The following KIF2A variants were observed in gnomAD, a reference collection of about 807,000 sequenced individuals.
KIF2A encodes kinesin family member 2A, also known as kinesin-like protein KIF2A.
KIF2A carries 22 observed loss-of-function variants against 100.2 expected under a neutral mutation model. That is an observed-to-expected ratio of 0.22 (90% CI 0.16 to 0.31). KIF2A has a LOEUF of 0.31. KIF2A is among the 10% of genes least tolerant of loss of function. KIF2A has a pLI of 1.00. For synonymous variants in KIF2A, 268 were observed against 285.9 expected (o/e 0.94, Z 0.63); for missense variants, 495 against 898.7 (o/e 0.55, Z 5.74).
chr5:62,364,672 C>T (rs1350120932), intron 14 of KIF2A, among the ~76,000 whole-genome samples: 1 of 152,140 alleles, frequency 6.6e-6, no homozygotes, highest in East Asian at 1.9e-4. Context: ...TTACAGTTAT[C>T]CTACTGCCTG....
At chr5:62,351,756 A>G (rs1191798035) in intron 4 of KIF2A, among the ~76,000 whole-genome samples, 1 of 152,154 alleles carries the variant, frequency 6.6e-6, no homozygotes, top group Non-Finnish European at 1.5e-5. Flanking sequence ...TGCATATTTG[A>G]GGAGCAAAGA....
rs557818535 is a variant in KIF2A at position 62,347,030 on chromosome 5, A to ATTT, written c.65-92_65-90dup. ...ATCTCTTGTAAGGAAAAGTAGTGTC[A>ATTT]TTTTTTTTTTAATTTCCAAGTTATA... On this transcript the variant is annotated intron_variant, in intron 1 of 20. Transcript: ENST00000407818. 5 of 615,292 alleles carry ATTT rather than the reference A, an allele frequency of 8.1e-6. No homozygotes were observed. The South Asian group carries it at 8.5e-5, about 11-fold the overall frequency. The allele number at this position is 615,292 out of a possible 1,614,324, so 38.1% of individuals were successfully genotyped here.
At chr5:62,308,670 G>T (rs1745423514) in intron 1 of KIF2A, among the ~76,000 whole-genome samples, 1 of 152,166 alleles carries the variant, frequency 6.6e-6, no homozygotes, top group Non-Finnish European at 1.5e-5. Flanking sequence ...AGATAAGCCA[G>T]ACACCAAGGA....
In KIF2A at chr5:62,324,713, A is replaced by G. The variant is rs183431063; in HGVS notation, c.64+18177A>G. 1.4e-3 allele frequency among the ~76,000 whole-genome samples: 206 copies of G among 152,274 alleles called. 1 individual carries two copies. Among genetic ancestry groups the G allele is most frequent in the African/African-American group, 4.7e-3 (197 of 41,546 alleles). ...TCACCATAAACAAAAATTAACTCAAAATGGATTAAAGACTTAAATGTAAGA... is the reference window on the plus strand; with the variant it reads ...TCACCATAAACAAAAATTAACTCAAGATGGATTAAAGACTTAAATGTAAGA... On this transcript the variant is annotated intron_variant, in intron 1 of 20. Coordinates refer to ENST00000407818, the MANE Select transcript of KIF2A (RefSeq NM_001098511.3).
At position 62,386,790 on chromosome 5, in the gene KIF2A, T is replaced by A. The variant is rs1220965456; in HGVS notation, c.*1221T>A. ...TTGGTATGGTGTAGGGCATGCTACT[T>A]TTTAAACAGCAGCACTTATTTTTAC... is the stretch of plus-strand genomic sequence containing the variant. On this transcript the variant is annotated 3_prime_UTR_variant, in exon 21 of 21. Transcript: ENST00000407818. Among the ~76,000 whole-genome samples, 2 of 152,224 alleles carry A rather than the reference T, an allele frequency of 1.3e-5. No individual in the cohort carries two copies. The highest frequency in any genetic ancestry group is 2.9e-5 in the Non-Finnish European group (2 of 68,036).
Position 62,363,258 on chromosome 5 carries a change from G to A in KIF2A, c.1200G>A (p.Gln400=). Residue 400 remains glutamine, a synonymous_variant, in exon 13 of 21, where the codon CAG becomes CAA. Coordinates refer to ENST00000407818, the MANE Select transcript of KIF2A (RefSeq NM_001098511.3). ...GKQQVQVVGL[Q]EREVKCVEDV... ...AGCAGGTTCAAGTGGTGGGATTACAGGAACGGGAGGTCAAATGTGTTGAAG... is the reference window on the plus strand; with the variant it reads ...AGCAGGTTCAAGTGGTGGGATTACAAGAACGGGAGGTCAAATGTGTTGAAG... The A allele has an allele frequency of 6.2e-7, 1 of 1,613,524 alleles. No individual in the cohort carries two copies. Among genetic ancestry groups the A allele is most frequent in the South Asian group, 1.1e-5 (1 of 91,020 alleles).
At chr5:62,347,256 T>G in intron 2 of KIF2A, 32 bp downstream of exon 2, 2 of 1,128,518 alleles carry the variant, frequency 1.8e-6, no homozygotes, top group Non-Finnish European at 2.6e-6. Flanking sequence ...TTATTCCTAG[T>G]CCTGCAATCA....
At chr5:62,313,893 G>A (rs1745677025) in intron 1 of KIF2A, among the ~76,000 whole-genome samples, 1 of 152,012 alleles carries the variant, frequency 6.6e-6, no homozygotes, top group South Asian at 2.1e-4. Flanking sequence ...CTGGACTCAA[G>A]CAATCCTCTC....
rs12519766 is a variant in KIF2A, at chr5:62,366,602, C to T, written c.1646+121C>T. On this transcript the variant is annotated intron_variant, in intron 16 of 20. Coordinates refer to ENST00000407818, the MANE Select transcript of KIF2A (RefSeq NM_001098511.3). ...ATCCTAGCACTTTGGGAGGCCCAGG[C>T]GGGCGGATCACAAGGTCAGGAGATC... 68,452 of 574,094 alleles carry T rather than the reference C, an allele frequency of 0.12. 4,791 individuals carry two copies. Among genetic ancestry groups the T allele is most frequent in the East Asian group, 0.23 (6,862 of 30,410 alleles). The allele number at this position is 574,094 out of a possible 1,614,324, so 35.6% of individuals were successfully genotyped here.
chr5:62,362,348 C>A, intron 11 of KIF2A, 102 bp from the exon 12 acceptor site: 1 of 461,896 alleles, frequency 2.2e-6, no homozygotes, highest in Non-Finnish European at 3.8e-6. Context: ...ATACTGTTAT[C>A]CTAGGTAAAG....
intron 6 of KIF2A, among the ~76,000 whole-genome samples, chr5:62,353,710 T>TA (rs1747965012): frequency 6.6e-6 from 1 of 152,160 alleles, no homozygotes; most frequent in South Asian, 2.1e-4. Flanking sequence ...TTGGGAAAAA[T>TA]ACCCAGTTAA....
chr5:62,370,439 G>A (rs993956117), intron 16 of KIF2A, among the ~76,000 whole-genome samples: 6 of 151,916 alleles, frequency 3.9e-5, no homozygotes, highest in Non-Finnish European at 5.9e-5. Context: ...GATTACAGGC[G>A]CCCGTCACCA....
intron 1 of KIF2A, among the ~76,000 whole-genome samples, chr5:62,319,645 C>T (rs1746005860): frequency 6.6e-6 from 1 of 152,202 alleles, no homozygotes; most frequent in Admixed American, 6.5e-5. Context: ...TATAAATTAT[C>T]TGTTTGCTGA....
At chr5:62,363,024 C>T (rs902810205) in intron 12 of KIF2A, among the ~76,000 whole-genome samples, 154 bp from the exon 13 acceptor site, 10 of 152,290 alleles carry the variant, frequency 6.6e-5, no homozygotes, top group Middle Eastern at 3.4e-3. Flanking sequence ...GACAAGGTCT[C>T]ACTATGTTGC....
At chr5:62,307,699 C>T (rs1348660909) in intron 1 of KIF2A, among the ~76,000 whole-genome samples, 2 of 151,350 alleles carry the variant, frequency 1.3e-5, no homozygotes, top group Non-Finnish European at 2.9e-5. Flanking sequence ...CCCACTGCAA[C>T]CTCCGCCTCC....
chr5:62,350,004 G>C, intron 3 of KIF2A, 62 bp from the exon 4 acceptor site: 1 of 1,081,178 alleles, frequency 9.2e-7, no homozygotes, highest in Non-Finnish European at 1.3e-6. Flanking sequence ...AAGAAGCTCA[G>C]ATCATGATAC....
At chr5:62,331,312 G>A (rs1371795114) in intron 1 of KIF2A, among the ~76,000 whole-genome samples, 1 of 152,190 alleles carries the variant, frequency 6.6e-6, no homozygotes, top group Non-Finnish European at 1.5e-5. Context: ...TCGGGAGACT[G>A]AGGCAGGAGA....
At chr5:62,367,126 G>A (rs1741112343) in intron 16 of KIF2A, among the ~76,000 whole-genome samples, 1 of 152,106 alleles carries the variant, frequency 6.6e-6, no homozygotes, top group Admixed American at 6.5e-5. Context: ...GTAAATGAAT[G>A]TCAGGGGCCA....
At chr5:62,338,038 A>G (rs909660733) in intron 1 of KIF2A, among the ~76,000 whole-genome samples, 1 of 152,204 alleles carries the variant, frequency 6.6e-6, no homozygotes, top group African/African-American at 2.4e-5. Context: ...AGACTCTTAA[A>G]GAACAATAAG....
Sources: gnomAD v4.1 joint callset for allele counts (sites outside exome capture counted in the v4.1 genomes callset) on GRCh38, gnomAD v4.1.1 for gene constraint, MANE v1.5 for transcripts, NCBI Gene and HGNC (gene_info 2026-07-23, HGNC 2026-07-21) for gene names.